Variants in TFAP2E observed in about 807,000 individuals in gnomAD.
TFAP2E encodes transcription factor AP-2 epsilon.
In TFAP2E, 30 loss-of-function variants were observed where a neutral mutation model predicts 37.9. The observed-to-expected ratio is 0.79, with a 90% CI of 0.59 to 1.07. TFAP2E has a LOEUF of 1.07. Ranked by LOEUF, TFAP2E falls within the 50% of genes least tolerant of loss-of-function variation. The probability of loss-of-function intolerance (pLI) is 0.00; values close to 1 mark genes in which losing one functional copy is unlikely to be tolerated. For synonymous variants in TFAP2E, 318 were observed against 295.8 expected, an observed-to-expected ratio of 1.08 and a Z score of -0.77; for missense variants, 567 against 637.9, an observed-to-expected ratio of 0.89 and a Z score of 1.20.
intron 6 of TFAP2E, among the ~76,000 whole-genome samples, chr1:35,593,599 C>G (rs1649746755): frequency 6.6e-6 from 1 of 152,242 alleles, no homozygotes; most frequent in African/African-American, 2.4e-5. Context: ...GGAGAGACCT[C>G]TGAGGCTGCT....
chr1:35,590,494 G>GTTTAATGATAC lies in TFAP2E; in HGVS notation c.905-140_905-139insTTTAATGATAC. The GTTTAATGATAC allele has an allele frequency of 9.4e-7, 1 of 1,064,780 alleles. No individual in the cohort carries two copies. The highest frequency in any genetic ancestry group is 1.3e-6 in the Non-Finnish European group (1 of 796,696). The allele number at this position is 1,064,780 out of a possible 1,614,324, so 66.0% of individuals were successfully genotyped here. On this transcript the variant is annotated intron_variant, in intron 5 of 6. Transcript: ENST00000373235. This position sits in a 1 kb window ranked among gnomAD's most constrained non-coding sequence, Gnocchi z 6.2. ...GGGCAATGGAATGGGGGCTGGAGCT[G>GTTTAATGATAC]GGCTGGGAAGGAACATCAGAGGGGG...
chr1:35,585,788 T>A (rs1262675165), intron 3 of TFAP2E, among the ~76,000 whole-genome samples: 1 of 152,194 alleles, frequency 6.6e-6, no homozygotes, highest in African/African-American at 2.4e-5. Context: ...CTCACCCCTT[T>A]AATTCCAGCA....
Position 35,590,723 on chromosome 1 carries a change from C to A in TFAP2E, c.994C>A (p.His332Asn). The A allele has an allele frequency of 6.5e-7, 1 of 1,548,200 alleles. No individual in the cohort carries two copies. Among genetic ancestry groups the A allele is most frequent in the Non-Finnish European group, 8.8e-7 (1 of 1,137,154 alleles). Reference sequence around the variant, plus strand: ...AGCTGCCGAGTACCTGTGCCGACAGCACGCTGACCCGGGGGAGCTGCACAG... The same window carrying A: ...AGCTGCCGAGTACCTGTGCCGACAGAACGCTGACCCGGGGGAGCTGCACAG... Reference protein sequence around the residue: ...KAAAEYLCRQHADPGELHSRK... With the variant: ...KAAAEYLCRQNADPGELHSRK... The change falls in exon 6 of 7, where the codon CAC becomes AAC. Residue 332 changes from histidine to asparagine, a missense_variant. By Grantham distance (68) the His-to-Asn change is moderately conservative. Transcript: ENST00000373235. This position sits in a 1 kb window ranked among gnomAD's most constrained non-coding sequence, Gnocchi z 6.2.
chr1:35,574,446 C>A, intron 2 of TFAP2E, 37 bp downstream of exon 2: 2 of 1,370,248 alleles, frequency 1.5e-6, no homozygotes, highest in Non-Finnish European at 1.9e-6. Flanking sequence ...TCGGGACTGG[C>A]CGCGGTGGTT....
intron 3 of TFAP2E, among the ~76,000 whole-genome samples, chr1:35,575,303 TAAAC>T (rs963205390): frequency 2.0e-5 from 3 of 152,236 alleles, no homozygotes; most frequent in Non-Finnish European, 4.4e-5. Context: ...CAGAACGAGT[TAAAC>T]CACTTCCCTG....
chr1:35,577,762 G>A lies in TFAP2E; in HGVS notation c.562+2762G>A, dbSNP rs1649223019. ...GGTTGGAAAAGCTTCGCTGACTGCA[G>A]GCAAGCGTCCGGGAGGGGCGGCCAG... On this transcript the variant is annotated intron_variant, in intron 3 of 6. Transcript: ENST00000373235. The surrounding 1 kb of genome is among the most constrained non-coding windows in gnomAD (Gnocchi z 6.3). The A allele has an allele frequency of 4.1e-6, 1 of 245,740 alleles. No individual in the cohort carries two copies. The highest frequency in any genetic ancestry group is 4.7e-5 in the Admixed American group (1 of 21,242). The allele number at this position is 245,740 out of a possible 1,614,324, so 15.2% of individuals were successfully genotyped here.
In TFAP2E at chr1:35,577,063, A is replaced by T. The variant is rs1480235891; in HGVS notation, c.562+2063A>T. ...CCCAGCGCCAGCGGGTCTGTGGCCC[A>T]GTGGAGCGAGTGGAGCGCTGGCGAC... is the stretch of plus-strand genomic sequence containing the variant. On this transcript the variant is annotated intron_variant, in intron 3 of 6. Coordinates refer to ENST00000373235, the MANE Select transcript of TFAP2E (RefSeq NM_178548.4). The surrounding 1 kb of genome is among the most constrained non-coding windows in gnomAD (Gnocchi z 6.3). Among the ~76,000 whole-genome samples, 1 of 152,012 alleles carries T rather than the reference A, an allele frequency of 6.6e-6. No individual in the cohort carries two copies. Among genetic ancestry groups the T allele is most frequent in the Admixed American group, 6.5e-5 (1 of 15,270 alleles).
chr1:35,583,344 A>T (rs1293407299), intron 3 of TFAP2E, among the ~76,000 whole-genome samples: 2 of 152,150 alleles, frequency 1.3e-5, no homozygotes, highest in East Asian at 3.9e-4. Flanking sequence ...GGGTTTTCCC[A>T]TGTTGTCCAG....
chr1:35,586,547 G>C (rs758979076), intron 3 of TFAP2E, among the ~76,000 whole-genome samples: 6 of 152,178 alleles, frequency 3.9e-5, no homozygotes, highest in Non-Finnish European at 7.3e-5. Context: ...GGGAACCTGT[G>C]TCTGTGTGCA....
rs1461235032 is a variant in TFAP2E, at chr1:35,590,080, G to A, written c.904+32G>A. On this transcript the variant is annotated intron_variant, in intron 5 of 6. Transcript: ENST00000373235. This position sits in a 1 kb window ranked among gnomAD's most constrained non-coding sequence, Gnocchi z 6.2. ...GAGGCCTGAAGGTGGGCATGGGAGT[G>A]GATGTGAGGGCAAGTGAGTTGTCTG... 1 of 1,601,206 alleles carries A rather than the reference G, an allele frequency of 6.2e-7. No homozygotes were observed. Among genetic ancestry groups the A allele is most frequent in the Admixed American group, 1.7e-5 (1 of 59,954 alleles).
At chr1:35,581,583 T>G (rs570314723) in intron 3 of TFAP2E, among the ~76,000 whole-genome samples, 1 of 152,160 alleles carries the variant, frequency 6.6e-6, no homozygotes, top group Admixed American at 6.5e-5. Flanking sequence ...TTTCTTTTTT[T>G]TTTTTTGAGA....
At chr1:35,594,329 G>A (rs1649766872) in intron 6 of TFAP2E, 65 bp from the exon 7 acceptor site, 2 of 1,571,240 alleles carry the variant, frequency 1.3e-6, no homozygotes, top group Non-Finnish European at 1.7e-6. Flanking sequence ...TGCCTAGCAT[G>A]TAGCAGGTCC....
rs754737517 is a variant in TFAP2E, at chr1:35,574,001, G to T, written c.102G>T (p.Pro34=). The T allele has an allele frequency of 3.2e-4, 475 of 1,483,820 alleles. No homozygotes were observed. Among genetic ancestry groups the T allele is most frequent in the South Asian group, 3.9e-4 (31 of 78,996 alleles). 91.9% of individuals were successfully genotyped at this position (1,483,820 alleles called of 1,614,324 possible). The change falls in exon 2 of 7, where the codon CCG becomes CCT. Residue 34 remains proline, a synonymous_variant. Coordinates refer to ENST00000373235, the MANE Select transcript of TFAP2E (RefSeq NM_178548.4). The stretch of plus-strand genomic sequence containing the variant: ...CTCTGCCCCAGGCGGCCTACGGGCC[G>T]GCGCCCCCGCTCTGCCACACGCCGG... The part of the protein sequence containing the change: ...LSSLPQAAYG[P]APPLCHTPAA...
At position 35,577,634 on chromosome 1, in the gene TFAP2E, A is replaced by C; in HGVS notation, c.562+2634A>C. On this transcript the variant is annotated intron_variant, in intron 3 of 6. Transcript: ENST00000373235. The surrounding 1 kb of genome is among the most constrained non-coding windows in gnomAD (Gnocchi z 6.3). Reference sequence around the variant, plus strand: ...GGGAGGCAGCTGCAGCCTCAGCCCCACCCCAGAAGCGGCCTTCGCATCGCT... The same window carrying C: ...GGGAGGCAGCTGCAGCCTCAGCCCCCCCCCAGAAGCGGCCTTCGCATCGCT... The C allele has an allele frequency of 3.1e-6, 1 of 317,498 alleles. No individual in the cohort carries two copies. Among genetic ancestry groups the C allele is most frequent in the South Asian group, 2.4e-5 (1 of 41,638 alleles). The allele number at this position is 317,498 out of a possible 1,614,324, so 19.7% of individuals were successfully genotyped here.
Position 35,573,709 on chromosome 1 carries a change from G to C in TFAP2E, c.27+105G>C, listed in dbSNP as rs984294634. 107 of 1,480,316 alleles carry C rather than the reference G, an allele frequency of 7.2e-5. No homozygotes were observed. The highest frequency in any genetic ancestry group is 9.4e-5 in the Non-Finnish European group (104 of 1,108,520). The allele number at this position is 1,480,316 out of a possible 1,614,324, so 91.7% of individuals were successfully genotyped here. ...CGCGCTAACGAAATCTCGGAGGGAGGGGGCCGCAGGGACTTCGCCAGCTGA... is the reference window on the plus strand; with the variant it reads ...CGCGCTAACGAAATCTCGGAGGGAGCGGGCCGCAGGGACTTCGCCAGCTGA... On this transcript the variant is annotated intron_variant, in intron 1 of 6. Coordinates refer to ENST00000373235, the MANE Select transcript of TFAP2E (RefSeq NM_178548.4). This position sits in a 1 kb window ranked among gnomAD's most constrained non-coding sequence, Gnocchi z 5.9.
intron 4 of TFAP2E, among the ~76,000 whole-genome samples, chr1:35,589,262 A>G (rs931851191): frequency 7.0e-6 from 1 of 143,046 alleles, no homozygotes; most frequent in African/African-American, 2.6e-5. Flanking sequence ...GGAGCTAGTC[A>G]TATGGATGTT....
intron 3 of TFAP2E, among the ~76,000 whole-genome samples, chr1:35,575,255 G>A (rs571113014): frequency 1.3e-5 from 2 of 152,328 alleles, no homozygotes; most frequent in East Asian, 1.9e-4. Context: ...TCTCCCCGCC[G>A]AGGGGGAGGG....
Position 35,595,280 on chromosome 1 carries a change from T to C in TFAP2E, c.*604T>C, listed in dbSNP as rs182924266. 3.9e-5 allele frequency: 6 copies of C among 153,962 alleles called. No homozygotes were observed. The highest frequency in any genetic ancestry group is 1.9e-4 in the East Asian group (1 of 5,200). The allele number at this position is 153,962 out of a possible 1,614,324, so 9.5% of individuals were successfully genotyped here. A position where few individuals can be genotyped will look rare whatever the true frequency, so the allele number is the denominator to read the frequency against. Reference sequence around the variant, plus strand: ...GCTGCTCATCATAGTCCTGTTGCTGTCTGTCCTATTTATTTATGTATGTTG... The same window carrying C: ...GCTGCTCATCATAGTCCTGTTGCTGCCTGTCCTATTTATTTATGTATGTTG... On this transcript the variant is annotated 3_prime_UTR_variant, in exon 7 of 7. Coordinates refer to ENST00000373235, the MANE Select transcript of TFAP2E (RefSeq NM_178548.4).
chr1:35,577,452 C>A lies in TFAP2E; in HGVS notation c.562+2452C>A. On this transcript the variant is annotated intron_variant, in intron 3 of 6. Transcript: ENST00000373235. The surrounding 1 kb of genome is among the most constrained non-coding windows in gnomAD (Gnocchi z 6.3). ...CCTGTCCTGCCCCACAGACCTTCGG[C>A]CTCCGCCGAGTGCGGTACTGGAGCC... The A allele has an allele frequency of 4.4e-6, 2 of 456,790 alleles. No homozygotes were observed. Among genetic ancestry groups the A allele is most frequent in the South Asian group, 3.1e-5 (2 of 64,574 alleles). The allele number at this position is 456,790 out of a possible 1,614,324, so 28.3% of individuals were successfully genotyped here.
Sources: allele counts gnomAD v4.1 joint callset (sites outside exome capture counted in the v4.1 genomes callset), GRCh38; gene constraint gnomAD v4.1.1; non-coding constraint Gnocchi (gnomAD v3.1); transcripts MANE v1.5; gene names NCBI Gene and HGNC (gene_info 2026-07-23, HGNC 2026-07-21).